The following LASP1 variants were observed in gnomAD, a reference collection of about 807,000 sequenced individuals.
The protein encoded by LASP1 is LIM and SH3 domain protein 1.
Under a neutral mutation model 38.6 loss-of-function variants are expected in LASP1, and 10 were observed. That is an observed-to-expected ratio of 0.26 (90% CI 0.16 to 0.44). The LOEUF (loss-of-function observed/expected upper bound fraction) is 0.44. LASP1 is among the 20% of genes least tolerant of loss of function. The pLI is 1.00. For missense variants in LASP1, 243 were observed against 375.7 expected (o/e 0.65, Z 2.92); for synonymous variants, 132 against 140.8 (o/e 0.94, Z 0.44).
rs200481974 is a variant in LASP1, at chr17:38,878,157, C to T, written c.141C>T (p.Tyr47=). 67 of 1,613,478 alleles carry T rather than the reference C, an allele frequency of 4.2e-5. No individual in the cohort carries two copies. Among genetic ancestry groups the T allele is most frequent in the Middle Eastern group, 3.3e-4 (2 of 6,060 alleles). The change falls in exon 2 of 7, where the codon TAC becomes TAT. Residue 47 remains tyrosine, a synonymous_variant. Transcript: ENST00000318008. The part of the protein sequence containing the change: ...MTLNMKNYKG[Y]EKKPYCNAHY... ...TGAACATGAAGAACTACAAGGGCTA[C>T]GAGAAGAAGCCCTACTGCAACGCGT...
rs369539144 is a variant in LASP1 at position 38,884,491 on chromosome 17, G to A, written c.165-5929G>A. Reference sequence around the variant, plus strand: ...CAACCTCTGCCTCCTGGGTTCAAGCGGTTCTCCCGCCTCAGCCTCCCAAGT... The same window carrying A: ...CAACCTCTGCCTCCTGGGTTCAAGCAGTTCTCCCGCCTCAGCCTCCCAAGT... On this transcript the variant is annotated intron_variant, in intron 2 of 6. Transcript: ENST00000318008. 3.5e-4 allele frequency among the ~76,000 whole-genome samples: 53 copies of A among 151,576 alleles called. 3 individuals carry two copies. In the South Asian group the frequency reaches 9.2e-3, roughly 26 times the overall value.
intron 3 of LASP1, among the ~76,000 whole-genome samples, chr17:38,897,334 G>C (rs1178910052): frequency 2.6e-5 from 4 of 152,244 alleles, no homozygotes; most frequent in Non-Finnish European, 5.9e-5. Context: ...CGGTGCTGCT[G>C]CCAGATGATT....
intron 4 of LASP1, among the ~76,000 whole-genome samples, chr17:38,911,239 G>C (rs1914932810): frequency 6.6e-6 from 1 of 152,152 alleles, no homozygotes; most frequent in Non-Finnish European, 1.5e-5. Flanking sequence ...TGGAAGCCCT[G>C]GGTTCAGCCT....
intron 4 of LASP1, 144 bp from the exon 5 acceptor site, chr17:38,914,181 C>G (rs932390679): frequency 3.2e-6 from 3 of 948,340 alleles, no homozygotes; most frequent in Non-Finnish European, 1.6e-6. Context: ...CAAGGACACA[C>G]AGCTGGTGCT....
intron 4 of LASP1, among the ~76,000 whole-genome samples, chr17:38,900,277 G>C (rs1914604928): frequency 6.6e-6 from 1 of 151,260 alleles, no homozygotes; most frequent in Non-Finnish European, 1.5e-5. Context: ...CTATTCAGGA[G>C]GCTGAAGTGG....
chr17:38,897,113 C>T, intron 3 of LASP1: 2 of 977,062 alleles, frequency 2.0e-6, no homozygotes, highest in African/African-American at 3.5e-5. Context: ...CCTCTATCCA[C>T]TGCATTCACT....
At chr17:38,901,596 G>A (rs547298672) in intron 4 of LASP1, among the ~76,000 whole-genome samples, 2 of 152,116 alleles carry the variant, frequency 1.3e-5, no homozygotes, top group African/African-American at 4.8e-5. Flanking sequence ...CAGAATCAGC[G>A]TCTCTGGGAG....
intron 3 of LASP1, among the ~76,000 whole-genome samples, chr17:38,892,891 T>G (rs1004310518): frequency 6.6e-6 from 1 of 152,084 alleles, no homozygotes; most frequent in Non-Finnish European, 1.5e-5. Flanking sequence ...GGGGGCCTCT[T>G]GGGAGATGAA....
At chr17:38,908,152 A>T (rs1217204757) in intron 4 of LASP1, among the ~76,000 whole-genome samples, 1 of 152,162 alleles carries the variant, frequency 6.6e-6, no homozygotes, top group South Asian at 2.1e-4. Flanking sequence ...TGGGCCCCCA[A>T]CATCAAGGAC....
intron 3 of LASP1, among the ~76,000 whole-genome samples, chr17:38,895,530 G>C (rs1914462913): frequency 6.6e-6 from 1 of 151,550 alleles, no homozygotes; most frequent in Admixed American, 6.6e-5. Flanking sequence ...ATGTTAGGCT[G>C]GTCATGAACT....
chr17:38,893,281 T>C (rs1275541310), intron 3 of LASP1, among the ~76,000 whole-genome samples: 1 of 152,188 alleles, frequency 6.6e-6, no homozygotes, highest in East Asian at 1.9e-4. Flanking sequence ...CAGCAGCAAG[T>C]AGGATGGGCT....
chr17:38,886,762 C>T (rs199763492), intron 2 of LASP1, among the ~76,000 whole-genome samples: 3 of 151,994 alleles, frequency 2.0e-5, no homozygotes, highest in African/African-American at 7.3e-5. Flanking sequence ...AGGCGCCCAT[C>T]GGTGCAGAGG....
chr17:38,892,317 G>T (rs1914352093), intron 3 of LASP1, among the ~76,000 whole-genome samples: 1 of 152,214 alleles, frequency 6.6e-6, no homozygotes, highest in Non-Finnish European at 1.5e-5. Context: ...GAGGCTCACA[G>T]AGGAAGAGAG....
intron 3 of LASP1, among the ~76,000 whole-genome samples, chr17:38,891,196 G>T (rs767524336): frequency 1.3e-5 from 2 of 152,004 alleles, no homozygotes; most frequent in Non-Finnish European, 2.9e-5. Context: ...CCAGTGATGA[G>T]GTGGGGTGGG....
At chr17:38,894,545 T>A (rs1275396372) in intron 3 of LASP1, among the ~76,000 whole-genome samples, 1 of 152,132 alleles carries the variant, frequency 6.6e-6, no homozygotes, top group African/African-American at 2.4e-5. Context: ...GGAGGATATG[T>A]TAAGCATTTA....
In LASP1 at chr17:38,918,372, C is replaced by T. The variant is rs1361517556; in HGVS notation, c.613-233C>T. ...GAGGTGGGGCAGAGCTGATGTGACC[C>T]GGTCCCTGCTCTGCCTCTGGCCCTT... On this transcript the variant is annotated intron_variant, in intron 6 of 6. Transcript: ENST00000318008. The surrounding 1 kb of genome is among the most constrained non-coding windows in gnomAD (Gnocchi z 4.4). 2.0e-5 allele frequency among the ~76,000 whole-genome samples: 3 copies of T among 152,166 alleles called. No homozygotes were observed. Among genetic ancestry groups the T allele is most frequent in the African/African-American group, 7.2e-5 (3 of 41,438 alleles).
chr17:38,901,858 C>T (rs1172757001), intron 4 of LASP1, among the ~76,000 whole-genome samples: 8 of 151,882 alleles, frequency 5.3e-5, no homozygotes, highest in African/African-American at 7.3e-5. Context: ...CTCCGCCTCC[C>T]GGGTTCACGC....
At position 38,919,031 on chromosome 17, in the gene LASP1, G is replaced by GGAGGGCGAGGCCCGT. The variant is rs1915221164; in HGVS notation, c.*257_*258insGCGAGGCCCGTGAGG. ...TGGAACGGGCATGGGCCTCTCTGGG[G>GGAGGGCGAGGCCCGT]GAGGCAGGGCTGGAATGGGAGACCT... is the stretch of plus-strand genomic sequence containing the variant. On this transcript the variant is annotated 3_prime_UTR_variant, in exon 7 of 7. Coordinates refer to ENST00000318008, the MANE Select transcript of LASP1 (RefSeq NM_006148.4). The GGAGGGCGAGGCCCGT allele has an allele frequency of 4.2e-6, 1 of 237,440 alleles. No homozygotes were observed. Among genetic ancestry groups the GGAGGGCGAGGCCCGT allele is most frequent in the Admixed American group, 1.2e-4 (1 of 8,694 alleles). The allele number at this position is 237,440 out of a possible 1,614,324, so 14.7% of individuals were successfully genotyped here.
Position 38,914,178 on chromosome 17 carries a change from A to G in LASP1, c.358-147A>G, listed in dbSNP as rs1405443717. 1.2e-5 allele frequency: 11 copies of G among 912,174 alleles called. 1 individual carries two copies. In the Admixed American group the frequency reaches 2.8e-4, roughly 23 times the overall value. 56.5% of individuals were successfully genotyped at this position (912,174 alleles called of 1,614,324 possible). On this transcript the variant is annotated intron_variant, in intron 4 of 6. Coordinates refer to ENST00000318008, the MANE Select transcript of LASP1 (RefSeq NM_006148.4). ...AAGATTAGGTAGCTTGTCCAAGGAC[A>G]CACAGCTGGTGCTTCCAGAGCGAGA...
Sources: gnomAD v4.1 joint callset for allele counts (sites outside exome capture counted in the v4.1 genomes callset) on GRCh38, gnomAD v4.1.1 for gene constraint, Gnocchi (gnomAD v3.1) non-coding constraint, MANE v1.5 for transcripts, NCBI Gene and HGNC (gene_info 2026-07-23, HGNC 2026-07-21) for gene names.